The following AMMECR1 variants were observed in gnomAD, a reference collection of about 807,000 sequenced individuals.
AMMECR1 encodes the protein AMMECR nuclear protein 1, also known as nuclear protein AMMECR1.
A neutral mutation model predicts 22.5 loss-of-function variants in AMMECR1; 3 were observed. The observed-to-expected ratio is 0.13, with a 90% CI of 0.06 to 0.35. The LOEUF (loss-of-function observed/expected upper bound fraction) is 0.35, where lower values mean the gene tolerates loss of function less well. AMMECR1 is among the 10% of genes least tolerant of loss of function. The pLI is 1.00. For synonymous variants in AMMECR1, 130 were observed against 116.7 expected (o/e 1.11, Z -0.74); for missense variants, 235 against 278.7 (o/e 0.84, Z 1.12).
chrX:110,307,254 A>G (rs916013496), intron 1 of AMMECR1: 1 of 110,188 alleles, frequency 9.1e-6, no homozygotes, highest in Admixed American at 9.7e-5. Flanking sequence ...TCCAAAAAAA[A>G]AAAAAAAAAG....
In AMMECR1 at chrX:110,247,241, G is replaced by A. The variant is rs182657948; in HGVS notation, c.584+17248C>T. On this transcript the variant is annotated intron_variant, in intron 2 of 5. Coordinates refer to ENST00000262844, the MANE Select transcript of AMMECR1 (RefSeq NM_015365.3). ...ACCTATTAGGAAACACGTGACATGG[G>A]CTGCGCATGATAGCTCACTCCTGTA... Among the ~76,000 whole-genome samples, 270 of 112,026 alleles carry A rather than the reference G, an allele frequency of 2.4e-3. 1 individual carries two copies. Among genetic ancestry groups the A allele is most frequent in the African/African-American group, 8.1e-3 (251 of 30,828 alleles).
chrX:110,231,524 G>A (rs891619871), intron 2 of AMMECR1, among the ~76,000 whole-genome samples: 11 of 112,007 alleles, frequency 9.8e-5, no homozygotes, highest in Non-Finnish European at 1.5e-4. Flanking sequence ...AGCACTAAAC[G>A]TGGAAAGAAA....
intron 2 of AMMECR1, among the ~76,000 whole-genome samples, chrX:110,376,746 C>T (rs1239108399): frequency 8.9e-6 from 1 of 112,490 alleles, no homozygotes; most frequent in Non-Finnish European, 1.9e-5. Flanking sequence ...TCACTTAAAC[C>T]TCCCTGCGAC....
At chrX:110,219,369 C>T (rs996910891) in intron 2 of AMMECR1, 2 of 752,147 alleles carry the variant, frequency 2.7e-6, no homozygotes, top group Non-Finnish European at 3.1e-6. Context: ...GTACCTAGCT[C>T]TAGCTTTTTC....
intron 1 of AMMECR1, among the ~76,000 whole-genome samples, chrX:110,291,666 T>C (rs1353700480): frequency 3.6e-5 from 4 of 112,112 alleles, no homozygotes; most frequent in East Asian, 5.5e-4. Context: ...GATGTTATAT[T>C]GCAGAATTTA....
Position 110,195,810 on chromosome X carries a change from C to A in AMMECR1, c.*2710G>T, listed in dbSNP as rs372709016. 4 of 112,186 alleles carry A rather than the reference C, an allele frequency of 3.6e-5. No individual in the cohort carries two copies. The highest frequency in any genetic ancestry group is 9.7e-5 in the African/African-American group (3 of 30,850). The allele number at this position is 112,186 out of a possible 1,213,427, so 9.2% of individuals were successfully genotyped here. On this transcript the variant is annotated 3_prime_UTR_variant, in exon 6 of 6. Transcript: ENST00000262844. ...ATAATTAACAGCTTTGTATATACGA[C>A]AAAGGTGAAAGGGTCTAGCATTTGT... is the stretch of plus-strand genomic sequence containing the variant.
At chrX:110,280,973 G>T (rs1451976554) in intron 1 of AMMECR1, among the ~76,000 whole-genome samples, 1 of 112,035 alleles carries the variant, frequency 8.9e-6, no homozygotes, top group Non-Finnish European at 1.9e-5. Flanking sequence ...CCAGATCAAA[G>T]TGTATGAACA....
intron 2 of AMMECR1, among the ~76,000 whole-genome samples, chrX:110,382,209 A>C (rs1352202141): frequency 9.0e-6 from 1 of 111,427 alleles, no homozygotes; most frequent in Non-Finnish European, 1.9e-5. Context: ...AAAACAGAGG[A>C]AACAAACCAC....
chrX:110,275,029 T>C (rs892882285), intron 1 of AMMECR1, among the ~76,000 whole-genome samples: 3 of 112,053 alleles, frequency 2.7e-5, no homozygotes, highest in African/African-American at 9.7e-5. Context: ...GTTATACCTT[T>C]AACTTCTATA....
rs575449892 is a variant in AMMECR1, at chrX:110,393,301, T to C, written c.-148+33357A>G. Among the ~76,000 whole-genome samples, 43 of 112,172 alleles carry C rather than the reference T, an allele frequency of 3.8e-4. No individual in the cohort carries two copies. In the South Asian group the frequency reaches 0.016, roughly 42 times the overall value. Reference sequence around the variant, plus strand: ...TTTACCTCATAGTTGTTATGTAAAGTGCTTATCCCAGAGCCTGGCAGAGAG... The same window carrying C: ...TTTACCTCATAGTTGTTATGTAAAGCGCTTATCCCAGAGCCTGGCAGAGAG... On this transcript the variant is annotated intron_variant, in intron 2 of 7. Transcript: ENST00000372057.
intron 2 of AMMECR1, among the ~76,000 whole-genome samples, chrX:110,324,315 C>G (rs2068089749): frequency 1.8e-5 from 2 of 111,575 alleles, no homozygotes; most frequent in Non-Finnish European, 3.8e-5. Context: ...TAATTTAGAT[C>G]TTGTATCTTG....
intron 1 of AMMECR1, among the ~76,000 whole-genome samples, chrX:110,427,175 T>C (rs1471474769): frequency 8.9e-6 from 1 of 112,111 alleles, no homozygotes; most frequent in East Asian, 2.8e-4. Flanking sequence ...ATTCCTACAA[T>C]ACCTTCTGGT....
At chrX:110,321,744 GA>G (rs987944741), upstream of AMMECR1, among the ~76,000 whole-genome samples, 2 of 108,367 alleles carry the variant, frequency 1.8e-5, no homozygotes, top group Non-Finnish European at 3.9e-5. Context: ...ATATTTCATT[GA>G]AAAAAAAACC....
At chrX:110,436,152 A>G (rs2068837160) in intron 1 of AMMECR1, among the ~76,000 whole-genome samples, 1 of 112,479 alleles carries the variant, frequency 8.9e-6, no homozygotes, top group Admixed American at 9.4e-5. Flanking sequence ...TAGATAAGTG[A>G]AACTACTCAG....
At chrX:110,218,356 T>C (rs1036250748) in intron 2 of AMMECR1, among the ~76,000 whole-genome samples, 1 of 111,348 alleles carries the variant, frequency 9.0e-6, no homozygotes, top group Non-Finnish European at 1.9e-5. Flanking sequence ...TAGGGGGTTA[T>C]GGATTTTTTT....
chrX:110,402,130 G>T (rs907779624), intron 2 of AMMECR1, among the ~76,000 whole-genome samples: 2 of 112,553 alleles, frequency 1.8e-5, no homozygotes, highest in East Asian at 2.8e-4. Flanking sequence ...TGCATGACCT[G>T]ATTTGAATCG....
intron 2 of AMMECR1, among the ~76,000 whole-genome samples, chrX:110,413,029 C>T (rs962099833): frequency 3.7e-4 from 41 of 111,858 alleles, no homozygotes; most frequent in Non-Finnish European, 5.6e-5. Context: ...GGCTTCACAT[C>T]CCCCAGTTCT....
intron 2 of AMMECR1, among the ~76,000 whole-genome samples, chrX:110,222,577 C>A (rs2067508748): frequency 1.0e-5 from 1 of 96,712 alleles, no homozygotes. Context: ...GCACATGTAC[C>A]CTAAAACTTA....
At chrX:110,273,473 C>A (rs1404064166) in intron 1 of AMMECR1, among the ~76,000 whole-genome samples, 1 of 111,987 alleles carries the variant, frequency 8.9e-6, no homozygotes, top group African/African-American at 3.2e-5. Flanking sequence ...TTGATTATTT[C>A]TTTTGCTGTG....
Sources: gnomAD v4.1 joint callset for allele counts (sites outside exome capture counted in the v4.1 genomes callset) on GRCh38, gnomAD v4.1.1 for gene constraint, MANE v1.5 for transcripts, NCBI Gene and HGNC (gene_info 2026-07-23, HGNC 2026-07-21) for gene names.